Variants in SNTB1 observed in about 807,000 individuals in gnomAD.
The protein encoded by SNTB1 is syntrophin beta 1.
A neutral mutation model predicts 48.9 loss-of-function variants in SNTB1; 36 were observed. The observed-to-expected ratio is 0.74, with a 90% CI of 0.56 to 0.97. The LOEUF (loss-of-function observed/expected upper bound fraction) is 0.97. Among genes scored for constraint, SNTB1 ranks in the 50% least tolerant of loss-of-function variants. The pLI is 0.00. For synonymous variants in SNTB1, 299 were observed against 294.6 expected (o/e 1.01, Z -0.15); for missense variants, 786 against 703.4 (o/e 1.12, Z -1.33).
intron 1 of SNTB1, among the ~76,000 whole-genome samples, chr8:120,779,075 C>T (rs925139105): frequency 2.0e-5 from 3 of 152,092 alleles, no homozygotes; most frequent in African/African-American, 7.2e-5. Context: ...GAGCAGTGGG[C>T]ACAGATGAAA....
chr8:120,615,259 G>A (rs142394148), intron 3 of SNTB1, among the ~76,000 whole-genome samples: 55 of 152,224 alleles, frequency 3.6e-4, no homozygotes, highest in Admixed American at 1.2e-3. Flanking sequence ...CGCCAGAGCC[G>A]GGGTTAATAT....
chr8:120,662,681 ATG>A (rs1817609410), intron 2 of SNTB1, among the ~76,000 whole-genome samples: 2 of 152,018 alleles, frequency 1.3e-5, no homozygotes, highest in Admixed American at 1.3e-4. Context: ...TTCCCTCCAG[ATG>A]TGTGAGTCAA....
Position 120,811,698 on chromosome 8 carries a change from C to G in SNTB1, c.146G>C (p.Ser49Thr). 1 of 1,587,056 alleles carries G rather than the reference C, an allele frequency of 6.3e-7. No homozygotes were observed. The highest frequency in any genetic ancestry group is 8.5e-7 in the Non-Finnish European group (1 of 1,170,926). Residue 49 changes from serine (S) to threonine (T), a missense_variant, in exon 1 of 7, where the codon AGC (serine) becomes ACC (threonine). Physicochemically the swap from Ser to Thr is moderately conservative, Grantham distance 58. Transcript: ENST00000517992. ...GTACGCCGCAGCGCCCTCCTCGCTG[C>G]TCAGAACCAGGGCGTCCTCGCTCAA... ...VNLSEDALVL[S>T]SEEGAAAYNG... is the part of the protein sequence containing the mutation.
At chr8:120,695,538 G>C (rs1202899979) in intron 1 of SNTB1, among the ~76,000 whole-genome samples, 1 of 152,106 alleles carries the variant, frequency 6.6e-6, no homozygotes, top group Admixed American at 6.5e-5. Flanking sequence ...ACCCACCTAA[G>C]ATAGGACATA....
chr8:120,739,072 G>A (rs1044675041), intron 1 of SNTB1, among the ~76,000 whole-genome samples: 3 of 152,240 alleles, frequency 2.0e-5, no homozygotes, highest in Non-Finnish European at 4.4e-5. Context: ...GAGGTCCTCA[G>A]AATGCGGCAA....
intron 5 of SNTB1, among the ~76,000 whole-genome samples, chr8:120,544,958 T>A (rs1004860741): frequency 2.0e-5 from 3 of 152,222 alleles, no homozygotes; most frequent in African/African-American, 4.8e-5. Flanking sequence ...CAATAGAAGT[T>A]CTGCAAAACA....
chr8:120,736,889 C>T (rs1818952359), intron 1 of SNTB1, among the ~76,000 whole-genome samples: 1 of 152,200 alleles, frequency 6.6e-6, no homozygotes, highest in Non-Finnish European at 1.5e-5. Context: ...TTACCTGTGT[C>T]TTAGCCCATC....
Position 120,632,465 on chromosome 8 carries a change from A to G in SNTB1, c.975T>C (p.His325=). 2 of 1,614,094 alleles carry G rather than the reference A, an allele frequency of 1.2e-6. No individual in the cohort carries two copies. Among genetic ancestry groups the G allele is most frequent in the Middle Eastern group, 1.6e-4 (1 of 6,062 alleles). ...TGIAGSREIR[H]LGWLAEKVPG... ...TTACCTTTTCTGCAAGCCAGCCAAGATGCCTAATCTCTCGGCTCCCAGCAA... is the reference window on the plus strand; with the variant it reads ...TTACCTTTTCTGCAAGCCAGCCAAGGTGCCTAATCTCTCGGCTCCCAGCAA... Residue 325 remains histidine, a synonymous_variant, in exon 3 of 7, where the codon CAT becomes CAC. Transcript: ENST00000517992.
intron 2 of SNTB1, among the ~76,000 whole-genome samples, chr8:120,643,770 G>A (rs539803418): frequency 2.1e-3 from 321 of 152,182 alleles, no homozygotes; most frequent in African/African-American, 7.3e-3. Context: ...TTTTCCTCTG[G>A]GTAGAGACCC....
chr8:120,595,101 G>A (rs189989790), intron 3 of SNTB1, among the ~76,000 whole-genome samples: 1 of 152,044 alleles, frequency 6.6e-6, no homozygotes, highest in African/African-American at 2.4e-5. Context: ...GACTGCACAG[G>A]TTCCTGGGCT....
At chr8:120,686,550 A>C (rs968795342) in intron 2 of SNTB1, among the ~76,000 whole-genome samples, 3 of 151,284 alleles carry the variant, frequency 2.0e-5, no homozygotes, top group Non-Finnish European at 4.4e-5. Flanking sequence ...CTCATCTCTT[A>C]ACATTATTAC....
rs1336261859 is a variant in SNTB1, at chr8:120,538,904, C to A, written c.1590G>T (p.Lys530Asn). Residue 530 changes from lysine to asparagine, a missense_variant, in exon 7 of 7, where the codon AAG (lysine) becomes AAT (asparagine). By Grantham distance (94) the Lys-to-Asn change is moderately conservative. Transcript: ENST00000517992. Reference protein sequence around the residue: ...VFIIHSFLSAKITRLGLVA With the variant: ...VFIIHSFLSANITRLGLVA ...AGGCCACCAAGCCCAGTCTTGTAAT[C>A]TTAGCTGACAGGAAGGAATGAATGA... is the stretch of plus-strand genomic sequence containing the variant. 3 of 1,613,602 alleles carry A rather than the reference C, an allele frequency of 1.9e-6. No homozygotes were observed. Among genetic ancestry groups the A allele is most frequent in the Non-Finnish European group, 2.5e-6 (3 of 1,179,798 alleles).
In SNTB1 at chr8:120,737,955, T is replaced by C. The variant is rs950436156; in HGVS notation, c.572-44047A>G. ...AGTAGGCCAGTGAATGAAACAATTT[T>C]GGGTGGACCAACTGCTATGGTCTGA... On this transcript the variant is annotated intron_variant, in intron 1 of 6. Transcript: ENST00000517992. 2.6e-5 allele frequency among the ~76,000 whole-genome samples: 4 copies of C among 152,154 alleles called. 1 individual carries two copies. The highest frequency in any genetic ancestry group is 2.6e-4 in the Admixed American group (4 of 15,276).
At chr8:120,640,922 A>G (rs1352242123) in intron 2 of SNTB1, among the ~76,000 whole-genome samples, 2 of 151,970 alleles carry the variant, frequency 1.3e-5, no homozygotes. Context: ...CTCTTTTTCT[A>G]TTGATTGGAA....
chr8:120,620,931 C>T (rs546385898), intron 3 of SNTB1, among the ~76,000 whole-genome samples: 1 of 139,804 alleles, frequency 7.2e-6, no homozygotes, highest in South Asian at 2.6e-4. Context: ...CCCTCTCTCT[C>T]TTCTTCCCTC....
At chr8:120,792,414 G>A (rs1162860432) in intron 1 of SNTB1, among the ~76,000 whole-genome samples, 1 of 151,946 alleles carries the variant, frequency 6.6e-6, no homozygotes, top group African/African-American at 2.4e-5. Flanking sequence ...CTAGTTGTGT[G>A]ATGGGTGCAC....
intron 1 of SNTB1, among the ~76,000 whole-genome samples, chr8:120,738,024 C>A (rs1197910890): frequency 6.6e-6 from 1 of 152,022 alleles, no homozygotes; most frequent in Non-Finnish European, 1.5e-5. Context: ...ATCCTAACTC[C>A]CAGGGTGATA....
chr8:120,781,484 G>A (rs570633860), intron 1 of SNTB1, among the ~76,000 whole-genome samples: 5 of 152,082 alleles, frequency 3.3e-5, no homozygotes. Flanking sequence ...TTTGGCTTAT[G>A]TAATAAAGAT....
At chr8:120,795,502 T>G (rs2130165090) in intron 1 of SNTB1, among the ~76,000 whole-genome samples, 1 of 150,918 alleles carries the variant, frequency 6.6e-6, no homozygotes, top group Admixed American at 6.6e-5. Context: ...GGTGGTGTCA[T>G]TAGATATTTG....
Sources: gnomAD v4.1 joint callset for allele counts (sites outside exome capture counted in the v4.1 genomes callset) on GRCh38, gnomAD v4.1.1 for gene constraint, MANE v1.5 for transcripts, NCBI Gene and HGNC (gene_info 2026-07-23, HGNC 2026-07-21) for gene names.